Variants in GRXCR1 observed in about 807,000 individuals in gnomAD.
The protein encoded by GRXCR1 is glutaredoxin and cysteine rich domain containing 1.
GRXCR1 carries 27 observed loss-of-function variants against 27.3 expected under a neutral mutation model. The ratio of observed to expected loss-of-function variants is 0.99; its 90% CI spans 0.73 to 1.37. The LOEUF is 1.37. GRXCR1 is among the 40% of genes most tolerant of loss of function. The pLI, the probability that GRXCR1 is intolerant of heterozygous loss-of-function variation, is 0.00. For missense variants in GRXCR1, 379 were observed against 354.4 expected (o/e 1.07, Z -0.56); for synonymous variants, 122 against 131.1 (o/e 0.93, Z 0.47).
chr4:42,970,793 T>C (rs147814043), intron 2 of GRXCR1, among the ~76,000 whole-genome samples: 2 of 152,184 alleles, frequency 1.3e-5, no homozygotes, highest in East Asian at 1.9e-4. Flanking sequence ...TTTTTACGTA[T>C]GCAAATTTCT....
intron 1 of GRXCR1, among the ~76,000 whole-genome samples, chr4:42,961,139 C>T (rs546308893): frequency 3.9e-5 from 6 of 151,910 alleles, no homozygotes; most frequent in Non-Finnish European, 7.4e-5. Flanking sequence ...CTGAGGATAA[C>T]GGCTTTCAGC....
chr4:43,019,730 T>C (rs1367878038), intron 2 of GRXCR1, among the ~76,000 whole-genome samples: 2 of 152,184 alleles, frequency 1.3e-5, no homozygotes, highest in East Asian at 3.8e-4. Flanking sequence ...ATGCCCTACC[T>C]GTGTTTAAAT....
chr4:42,999,507 C>T (rs1480540600), intron 2 of GRXCR1, among the ~76,000 whole-genome samples: 1 of 152,230 alleles, frequency 6.6e-6, no homozygotes, highest in Non-Finnish European at 1.5e-5. Flanking sequence ...ATCCACTCCC[C>T]TTTCTTTGGA....
chr4:42,968,830 C>T (rs562405582), intron 2 of GRXCR1, among the ~76,000 whole-genome samples: 8 of 151,934 alleles, frequency 5.3e-5, no homozygotes, highest in Middle Eastern at 3.4e-3. Context: ...TTATTGTTAA[C>T]CTTTAGTAGC....
At chr4:42,982,992 C>T (rs1711539548) in intron 2 of GRXCR1, among the ~76,000 whole-genome samples, 2 of 151,854 alleles carry the variant, frequency 1.3e-5, no homozygotes, top group Non-Finnish European at 2.9e-5. Flanking sequence ...AAATTTTCTC[C>T]CATTTTGTAG....
At chr4:43,029,957 A>G (rs1474424239) in intron 3 of GRXCR1, among the ~76,000 whole-genome samples, 1 of 150,070 alleles carries the variant, frequency 6.7e-6, no homozygotes, top group Non-Finnish European at 1.5e-5. Context: ...TGCTATTAAT[A>G]TGCTATTCTA....
chr4:42,906,143 C>T (rs769303913), intron 1 of GRXCR1, among the ~76,000 whole-genome samples: 16 of 152,182 alleles, frequency 1.1e-4, no homozygotes, highest in East Asian at 3.9e-4. Flanking sequence ...TATTCTAACA[C>T]GACAACTTTG....
intron 2 of GRXCR1, among the ~76,000 whole-genome samples, chr4:43,014,895 C>A (rs1292349417): frequency 6.6e-6 from 1 of 152,072 alleles, no homozygotes; most frequent in African/African-American, 2.4e-5. Context: ...AAGTCATAGC[C>A]CCTGAAATCA....
intron 1 of GRXCR1, among the ~76,000 whole-genome samples, chr4:42,893,991 C>G (rs1746293706): frequency 6.6e-6 from 1 of 152,080 alleles, no homozygotes. Context: ...AAGTTAAATT[C>G]TGGTTTATTA....
At chr4:43,022,727 C>T (rs1204033472) in intron 3 of GRXCR1, among the ~76,000 whole-genome samples, 3 of 152,090 alleles carry the variant, frequency 2.0e-5, no homozygotes. Context: ...GAGAGCCATG[C>T]AAAGAGGATA....
At chr4:42,928,315 A>G (rs1249753346) in intron 1 of GRXCR1, among the ~76,000 whole-genome samples, 4 of 152,018 alleles carry the variant, frequency 2.6e-5, no homozygotes, top group Non-Finnish European at 5.9e-5. Flanking sequence ...TACAATAAGT[A>G]TAAAGAATAC....
chr4:43,012,180 A>G (rs1463435366), intron 2 of GRXCR1, among the ~76,000 whole-genome samples: 1 of 152,192 alleles, frequency 6.6e-6, no homozygotes, highest in East Asian at 1.9e-4. Flanking sequence ...GACTCTTTAG[A>G]GAGCCTAGCT....
At position 43,030,637 on chromosome 4, in the gene GRXCR1, C is replaced by A; in HGVS notation, c.*97C>A. ...TAAATGGTTATGTTTATGGATTAAT[C>A]AATAAACTTTGTTTATTATAATTGT... On this transcript the variant is annotated 3_prime_UTR_variant, in exon 4 of 4. Transcript: ENST00000399770. The A allele has an allele frequency of 2.1e-6, 2 of 966,466 alleles. No individual in the cohort carries two copies. Among genetic ancestry groups the A allele is most frequent in the Non-Finnish European group, 3.2e-6 (2 of 625,450 alleles). 59.9% of individuals were successfully genotyped at this position (966,466 alleles called of 1,614,324 possible).
At chr4:42,909,501 G>C (rs1030728738) in intron 1 of GRXCR1, among the ~76,000 whole-genome samples, 9 of 152,080 alleles carry the variant, frequency 5.9e-5, no homozygotes, top group Admixed American at 3.3e-4. Context: ...ATTTAATAAT[G>C]TATCCTGGAG....
At chr4:42,925,076 A>G (rs1354342840) in intron 1 of GRXCR1, among the ~76,000 whole-genome samples, 2 of 152,002 alleles carry the variant, frequency 1.3e-5, no homozygotes, top group Non-Finnish European at 2.9e-5. Flanking sequence ...AAAAAAAAGA[A>G]AGCTTATGAG....
At chr4:42,901,594 C>T (rs76101085) in intron 1 of GRXCR1, among the ~76,000 whole-genome samples, 6,026 of 152,234 alleles carry the variant, frequency 0.04, 145 homozygotes, top group Middle Eastern at 0.085. Context: ...ATGCTTAATG[C>T]AATCATGTCT....
intron 1 of GRXCR1, among the ~76,000 whole-genome samples, chr4:42,941,409 A>G (rs1358597094): frequency 6.6e-6 from 1 of 152,068 alleles, no homozygotes; most frequent in Non-Finnish European, 1.5e-5. Flanking sequence ...ATGTTTTAAA[A>G]TTATTTTTAA....
intron 2 of GRXCR1, among the ~76,000 whole-genome samples, chr4:42,963,890 C>T (rs1027578816): frequency 1.3e-4 from 20 of 151,908 alleles, no homozygotes; most frequent in African/African-American, 3.4e-4. Flanking sequence ...GAACAGAGAC[C>T]GTCGAACCAC....
chr4:43,009,206 C>T (rs1712656127), intron 2 of GRXCR1, among the ~76,000 whole-genome samples: 1 of 152,148 alleles, frequency 6.6e-6, no homozygotes, highest in African/African-American at 2.4e-5. Flanking sequence ...CCTTGATTTG[C>T]CTCTCCAAAC....
Sources: gnomAD v4.1 joint callset for allele counts (sites outside exome capture counted in the v4.1 genomes callset) on GRCh38, gnomAD v4.1.1 for gene constraint, MANE v1.5 for transcripts, NCBI Gene and HGNC (gene_info 2026-07-23, HGNC 2026-07-21) for gene names.